SOCS7: variants seen among roughly 807,000 people sequenced by gnomAD.
SOCS7 encodes the protein suppressor of cytokine signaling 7, also known as NAP-4.
SOCS7 carries 18 observed loss-of-function variants against 58.9 expected under a neutral mutation model. The ratio of observed to expected loss-of-function variants is 0.31; its 90% confidence interval spans 0.21 to 0.45. The LOEUF (loss-of-function observed/expected upper bound fraction) is 0.45. Ranked by LOEUF, SOCS7 falls within the 20% of genes least tolerant of loss-of-function variation. The pLI is 1.00. For synonymous variants in SOCS7, 388 were observed against 364.3 expected (o/e 1.06, Z -0.74); for missense variants, 667 against 837.3 (o/e 0.80, Z 2.51).
intron 6 of SOCS7, among the ~76,000 whole-genome samples, chr17:38,374,430 C>A (rs960335469): frequency 6.6e-6 from 1 of 151,150 alleles, no homozygotes; most frequent in South Asian, 2.1e-4. Flanking sequence ...CCCAGGTACT[C>A]GGGAGGGTCA....
intron 6 of SOCS7, among the ~76,000 whole-genome samples, chr17:38,370,651 A>T (rs538623959): frequency 5.2e-4 from 73 of 140,574 alleles, no homozygotes; most frequent in African/African-American, 1.8e-3. Flanking sequence ...TATAACCGGA[A>T]TTTTTTTTTT....
chr17:38,376,224 A>G (rs1305118639), intron 6 of SOCS7, among the ~76,000 whole-genome samples: 1 of 152,168 alleles, frequency 6.6e-6, no homozygotes, highest in Non-Finnish European at 1.5e-5. Flanking sequence ...TTCAGGATGC[A>G]AGGCAGAACA....
At chr17:38,387,135 A>ATG (rs1254434886) in intron 7 of SOCS7, among the ~76,000 whole-genome samples, 2 of 94,300 alleles carry the variant, frequency 2.1e-5, no homozygotes, top group Admixed American at 1.1e-4. Context: ...ATATGTATGT[A>ATG]TATATATATA....
At chr17:38,355,272 G>T (rs1408509740) in intron 1 of SOCS7, among the ~76,000 whole-genome samples, 1 of 152,110 alleles carries the variant, frequency 6.6e-6, no homozygotes, top group East Asian at 1.9e-4. Context: ...TGACTGTCTT[G>T]TTCCTGTCCT....
At chr17:38,394,570 C>G (rs2038220693) in intron 7 of SOCS7, among the ~76,000 whole-genome samples, 2 of 152,206 alleles carry the variant, frequency 1.3e-5, no homozygotes, top group African/African-American at 2.4e-5. Flanking sequence ...AACGGCTTTT[C>G]TGGGTCCTCA....
chr17:38,367,058 T>C (rs2037799172), intron 5 of SOCS7, among the ~76,000 whole-genome samples: 2 of 152,150 alleles, frequency 1.3e-5, no homozygotes, highest in South Asian at 4.1e-4. Flanking sequence ...TTTTTTGTTG[T>C]TGTTGTTGTC....
intron 7 of SOCS7, among the ~76,000 whole-genome samples, chr17:38,381,597 G>A (rs944733288): frequency 6.6e-5 from 10 of 152,162 alleles, no homozygotes; most frequent in African/African-American, 2.4e-4. Flanking sequence ...GGTCCAGTGA[G>A]TTGCAGAACC....
chr17:38,352,526 C>G lies in SOCS7; in HGVS notation c.474C>G (p.Pro158=). ...PCPPQPPPPQ[P]QPPAAAPQAG... is the part of the protein sequence containing the mutation. Reference sequence around the variant, plus strand: ...CTCCTCAGCCGCCCCCTCCGCAGCCCCAGCCGCCTGCTGCCGCCCCGCAGG... The same window carrying G: ...CTCCTCAGCCGCCCCCTCCGCAGCCGCAGCCGCCTGCTGCCGCCCCGCAGG... Residue 158 remains proline, a synonymous_variant, in exon 1 of 10, where the codon CCC becomes CCG. Coordinates refer to ENST00000612932, the MANE Select transcript of SOCS7 (RefSeq NM_014598.4). This position sits in a 1 kb window ranked among gnomAD's most constrained non-coding sequence, Gnocchi z 5.5. The G allele has an allele frequency of 6.5e-7, 1 of 1,547,552 alleles. No homozygotes were observed. The highest frequency in any genetic ancestry group is 2.4e-5 in the East Asian group (1 of 40,834).
chr17:38,381,944 C>A (rs1265572236), intron 7 of SOCS7, among the ~76,000 whole-genome samples: 1 of 71,462 alleles, frequency 1.4e-5, no homozygotes, highest in East Asian at 6.1e-4. Flanking sequence ...AAGACTCTGT[C>A]TCAAAAAAAA....
chr17:38,376,935 T>C (rs1031761957), intron 6 of SOCS7, among the ~76,000 whole-genome samples: 13 of 152,314 alleles, frequency 8.5e-5, no homozygotes, highest in Admixed American at 2.6e-4. Context: ...CATGAATACT[T>C]ACCATTCTTT....
chr17:38,394,091 A>C (rs1380778177), intron 7 of SOCS7, among the ~76,000 whole-genome samples: 1 of 152,220 alleles, frequency 6.6e-6, no homozygotes, highest in Non-Finnish European at 1.5e-5. Flanking sequence ...TTGTTTATTG[A>C]AAGCAAAATA....
intron 1 of SOCS7, among the ~76,000 whole-genome samples, chr17:38,360,420 T>C (rs1385122284): frequency 1.3e-5 from 2 of 152,098 alleles, no homozygotes; most frequent in Admixed American, 1.3e-4. Flanking sequence ...CTCGGGCTCC[T>C]GACCTTGTGA....
intron 7 of SOCS7, among the ~76,000 whole-genome samples, chr17:38,394,660 G>C (rs942342940): frequency 6.6e-6 from 1 of 152,174 alleles, no homozygotes. Context: ...GCCTTCCCGA[G>C]AGCCTCAGGC....
rs1746367048 is a variant in SOCS7 at position 38,395,314 on chromosome 17, C to G, written c.1687C>G (p.Pro563Ala). Residue 563 changes from proline to alanine, a missense_variant, in exon 8 of 10, where the codon CCA (proline) becomes GCA (alanine). Physicochemically the swap from Pro to Ala is conservative, Grantham distance 27. Around this residue, in one of 9 missense-constraint regions of SOCS7, gnomAD observed 76 missense variants for 194.5 expected, o/e 0.39. Coordinates refer to ENST00000612932, the MANE Select transcript of SOCS7 (RefSeq NM_014598.4). ...YFLRSRVPGL[P>A]PTPVQLLYPV... Reference sequence around the variant, plus strand: ...CTTTGTTTTCTTTCTTGAAGGACTGCCACCAACTCCTGTCCAGCTGCTCTA... The same window carrying G: ...CTTTGTTTTCTTTCTTGAAGGACTGGCACCAACTCCTGTCCAGCTGCTCTA... The G allele has an allele frequency of 6.2e-7, 1 of 1,613,652 alleles. No homozygotes were observed. Among genetic ancestry groups the G allele is most frequent in the Non-Finnish European group, 8.5e-7 (1 of 1,179,800 alleles).
chr17:38,369,833 A>G (rs1398886318), intron 6 of SOCS7, among the ~76,000 whole-genome samples: 1 of 149,392 alleles, frequency 6.7e-6, no homozygotes, highest in Non-Finnish European at 1.5e-5. Context: ...CTCTGTCACC[A>G]GGCTGGAGTG....
At chr17:38,392,157 G>A (rs1305239400) in intron 7 of SOCS7, among the ~76,000 whole-genome samples, 6 of 152,150 alleles carry the variant, frequency 3.9e-5, no homozygotes, top group Admixed American at 2.6e-4. Flanking sequence ...GTTTGTTGGC[G>A]TTTGTGGGCA....
At chr17:38,368,313 T>C (rs367771878) in intron 6 of SOCS7, among the ~76,000 whole-genome samples, 82 of 152,342 alleles carry the variant, frequency 5.4e-4, no homozygotes, top group African/African-American at 1.8e-3. Context: ...ACAAAACTGT[T>C]GGAGAGGCTC....
intron 2 of SOCS7, among the ~76,000 whole-genome samples, chr17:38,363,924 G>A (rs994780678): frequency 2.0e-5 from 3 of 152,148 alleles, no homozygotes; most frequent in Admixed American, 1.3e-4. Flanking sequence ...CTATCAGCTT[G>A]TGTTCATATT....
chr17:38,394,028 G>A (rs1597713843), intron 7 of SOCS7, among the ~76,000 whole-genome samples: 1 of 152,218 alleles, frequency 6.6e-6, no homozygotes, highest in South Asian at 2.1e-4. Flanking sequence ...TTCTTTGACA[G>A]GTTTTGCAAC....
Sources: gnomAD v4.1 joint callset for allele counts (sites outside exome capture counted in the v4.1 genomes callset) on GRCh38, gnomAD v4.1.1 for gene constraint, gnomAD v4.1.1 regional missense constraint, Gnocchi (gnomAD v3.1) non-coding constraint, MANE v1.5 for transcripts, NCBI Gene and HGNC (gene_info 2026-07-23, HGNC 2026-07-21) for gene names.